CEACAM5: variants seen among roughly 807,000 people sequenced by gnomAD.
CEACAM5 encodes CEA cell adhesion molecule 5.
CEACAM5 carries 52 observed loss-of-function variants against 63.0 expected under a neutral mutation model. The ratio of observed to expected loss-of-function variants is 0.83; its 90% CI spans 0.66 to 1.04. The LOEUF is 1.04. CEACAM5 is among the 50% of genes least tolerant of loss of function. CEACAM5 has a pLI of 0.00. For synonymous variants in CEACAM5, 357 were observed against 351.3 expected (o/e 1.02, Z -0.18); for missense variants, 790 against 864.8 (o/e 0.91, Z 1.08).
At chr19:41,726,528 A>G (rs965081433) in intron 8 of CEACAM5, among the ~76,000 whole-genome samples, 14 of 152,364 alleles carry the variant, frequency 9.2e-5, no homozygotes, top group African/African-American at 3.4e-4. Flanking sequence ...ACTGAGATTC[A>G]GCCAAGATGG....
chr19:41,716,447 A>G (rs2072528228), intron 4 of CEACAM5, among the ~76,000 whole-genome samples: 1 of 152,254 alleles, frequency 6.6e-6, no homozygotes, highest in Non-Finnish European at 1.5e-5. Context: ...TGTGTGGAGA[A>G]GGAGCCCGGG....
At chr19:41,712,270 T>G (rs955480512) in intron 2 of CEACAM5, among the ~76,000 whole-genome samples, 4 of 152,224 alleles carry the variant, frequency 2.6e-5, no homozygotes, top group African/African-American at 9.6e-5. Flanking sequence ...CTGATAGGTT[T>G]GCTGCCCATT....
In CEACAM5 at chr19:41,717,462, A is replaced by G; in HGVS notation, c.966A>G (p.Pro322=). The part of the protein sequence containing the change: ...TVTTITVYAE[P]PKPFITSNNS... Reference sequence around the variant, plus strand: ...TCTCTGTTATCTGCACAGCAGAGCCACCCAAACCCTTCATCACCAGCAACA... The same window carrying G: ...TCTCTGTTATCTGCACAGCAGAGCCGCCCAAACCCTTCATCACCAGCAACA... Residue 322 remains proline, a synonymous_variant, in exon 5 of 10, where the codon CCA becomes CCG. Coordinates refer to ENST00000221992, the MANE Select transcript of CEACAM5 (RefSeq NM_004363.6). The G allele has an allele frequency of 6.2e-7, 1 of 1,613,474 alleles. No individual in the cohort carries two copies. Among genetic ancestry groups the G allele is most frequent in the South Asian group, 1.1e-5 (1 of 91,000 alleles).
chr19:41,709,803 T>C lies in CEACAM5; in HGVS notation c.188T>C (p.Phe63Ser), dbSNP rs2072404891. The C allele has an allele frequency of 1.2e-6, 2 of 1,614,144 alleles. No homozygotes were observed. The highest frequency in any genetic ancestry group is 2.2e-5 in the South Asian group (2 of 91,084). The change falls in exon 2 of 10, where the codon TTT (phenylalanine) becomes TCT (serine). Residue 63 changes from phenylalanine (F) to serine (S), a missense_variant. By Grantham distance (155) the Phe-to-Ser change is radical (BLOSUM62 -2). Transcript: ENST00000221992. ...GTCCACAATCTGCCCCAGCATCTTT[T>C]TGGCTACAGCTGGTACAAAGGTGAA... Reference protein sequence around the residue: ...LLVHNLPQHLFGYSWYKGERV... With the variant: ...LLVHNLPQHLSGYSWYKGERV...
At chr19:41,724,174 T>G (rs2072666940) in intron 8 of CEACAM5, among the ~76,000 whole-genome samples, 1 of 152,212 alleles carries the variant, frequency 6.6e-6, no homozygotes, top group Non-Finnish European at 1.5e-5. Flanking sequence ...AGATTCAACT[T>G]GTTCTTGTGC....
In CEACAM5 at chr19:41,715,219, C is replaced by G. The variant is rs150900406; in HGVS notation, c.673C>G (p.Arg225Gly). 6.2e-7 allele frequency: 1 copy of G among 1,614,212 alleles called. No individual in the cohort carries two copies. Among genetic ancestry groups the G allele is most frequent in the Non-Finnish European group, 8.5e-7 (1 of 1,180,030 alleles). Residue 225 changes from arginine (R) to glycine (G), a missense_variant, in exon 3 of 10, where the codon CGC (arginine) becomes GGC (glycine). Transcript: ENST00000221992. ...AACCCAGAACCCAGTGAGTGCCAGG[C>G]GCAGTGATTCAGTCATCCTGAATGT... Reference protein sequence around the residue: ...CETQNPVSARRSDSVILNVLY... With the variant: ...CETQNPVSARGSDSVILNVLY...
intron 8 of CEACAM5, 146 bp downstream of exon 8, chr19:41,721,322 C>G (rs2072618256): frequency 1.1e-6 from 1 of 874,144 alleles, no homozygotes; most frequent in South Asian, 1.7e-5. Context: ...CCCCCTCACT[C>G]CATCTCGGCC....
chr19:41,713,396 G>C (rs2072468386), intron 2 of CEACAM5, among the ~76,000 whole-genome samples: 2 of 152,174 alleles, frequency 1.3e-5, no homozygotes, highest in African/African-American at 4.8e-5. Flanking sequence ...TGCTAAACTG[G>C]TAAGTATATT....
chr19:41,730,368 G>A lies in CEACAM5; in HGVS notation c.*1221G>A, dbSNP rs1469681188. ...ACCCGGGAGGCAGGGCTTGCAGTGA[G>A]CCAAGATCATGCCGCTGCACTCCAG... On this transcript the variant is annotated 3_prime_UTR_variant, in exon 10 of 10. Coordinates refer to ENST00000221992, the MANE Select transcript of CEACAM5 (RefSeq NM_004363.6). Among the ~76,000 whole-genome samples the A allele has an allele frequency of 2.0e-5, 3 of 148,234 alleles. No individual in the cohort carries two copies. The highest frequency in any genetic ancestry group is 7.6e-5 in the African/African-American group (3 of 39,532).
chr19:41,718,056 C>A, intron 5 of CEACAM5, 72 bp from the exon 6 acceptor site: 3 of 1,566,448 alleles, frequency 1.9e-6, no homozygotes, highest in Admixed American at 1.7e-5. Context: ...GACACTGTTG[C>A]CCTTTCACAG....
intron 2 of CEACAM5, among the ~76,000 whole-genome samples, chr19:41,710,272 G>A (rs1012191085): frequency 5.9e-5 from 9 of 152,282 alleles, no homozygotes; most frequent in African/African-American, 1.7e-4. Context: ...TCTGATGTGG[G>A]GGACTTAGCA....
chr19:41,727,258 C>A lies in CEACAM5; in HGVS notation c.2051C>A (p.Ser684Ter). ...VSASGTSPGL[S>*]AGATVGIMIG... ...GCATCTGGAACTTCTCCTGGTCTCT[C>A]AGCTGGGGCCACTGTCGGCATCATG... The change falls in exon 9 of 10, where the codon TCA becomes TAA. Residue 684 changes from serine to a stop codon, truncating the protein, a stop_gained. Coordinates refer to ENST00000221992, the MANE Select transcript of CEACAM5 (RefSeq NM_004363.6). LOFTEE classifies it high-confidence loss of function. 6.2e-7 allele frequency: 1 copy of A among 1,614,020 alleles called. No homozygotes were observed. The highest frequency in any genetic ancestry group is 8.5e-7 in the Non-Finnish European group (1 of 1,179,858).
rs2072741566 is a variant in CEACAM5 at position 41,729,287 on chromosome 19, C to G, written c.*140C>G. On this transcript the variant is annotated 3_prime_UTR_variant, in exon 10 of 10. Coordinates refer to ENST00000221992, the MANE Select transcript of CEACAM5 (RefSeq NM_004363.6). ...AAAAGACTCTGACCAGAGATCGAGA[C>G]CATCCTAGCCAACATCGTGAAACCC... 6.6e-6 allele frequency: 1 copy of G among 152,060 alleles called. No individual in the cohort carries two copies. The allele number at this position is 152,060 out of a possible 1,614,324, so 9.4% of individuals were successfully genotyped here.
In CEACAM5 at chr19:41,717,463, C is replaced by G. The variant is rs781930149; in HGVS notation, c.967C>G (p.Pro323Ala). The stretch of plus-strand genomic sequence containing the variant: ...CTCTGTTATCTGCACAGCAGAGCCA[C>G]CCAAACCCTTCATCACCAGCAACAA... ...VTTITVYAEPPKPFITSNNSN... is the reference protein window; with the variant it reads ...VTTITVYAEPAKPFITSNNSN... The change falls in exon 5 of 10, where the codon CCC becomes GCC. Residue 323 changes from proline (P) to alanine (A), a missense_variant. Physicochemically the swap from Pro to Ala is conservative, Grantham distance 27 (BLOSUM62 -1). Coordinates refer to ENST00000221992, the MANE Select transcript of CEACAM5 (RefSeq NM_004363.6). The G allele has an allele frequency of 1.9e-6, 3 of 1,613,474 alleles. No homozygotes were observed. In the South Asian group the frequency reaches 3.3e-5, roughly 18 times the overall value.
intron 4 of CEACAM5, among the ~76,000 whole-genome samples, chr19:41,716,808 A>C (rs1286046747): frequency 1.3e-5 from 2 of 152,162 alleles, no homozygotes; most frequent in African/African-American, 4.8e-5. Context: ...CAGTGGTATT[A>C]AATATATTCC....
intron 5 of CEACAM5, 25 bp downstream of exon 5, chr19:41,717,758 G>T (rs2072551313): frequency 6.2e-7 from 1 of 1,608,414 alleles, no homozygotes; most frequent in Non-Finnish European, 8.5e-7. Flanking sequence ...TTCCTCTGTG[G>T]CTCAGGCTGC....
intron 4 of CEACAM5, among the ~76,000 whole-genome samples, chr19:41,717,179 G>A (rs943003961): frequency 1.3e-5 from 2 of 152,252 alleles, no homozygotes; most frequent in African/African-American, 4.8e-5. Context: ...AGTGCTGGGG[G>A]CTGTGACCCC....
In CEACAM5 at chr19:41,709,897, A is replaced by T; in HGVS notation, c.282A>T (p.Ala94=). Reference sequence around the variant, plus strand: ...CTCAACAAGCTACCCCAGGGCCCGCATACAGTGGTCGAGAGATAATATACC... The same window carrying T: ...CTCAACAAGCTACCCCAGGGCCCGCTTACAGTGGTCGAGAGATAATATACC... The part of the protein sequence containing the change: ...IGTQQATPGP[A]YSGREIIYPN... Residue 94 remains alanine (A), a synonymous_variant, in exon 2 of 10, where the codon GCA becomes GCT. Coordinates refer to ENST00000221992, the MANE Select transcript of CEACAM5 (RefSeq NM_004363.6). The T allele has an allele frequency of 6.2e-7, 1 of 1,614,116 alleles. No individual in the cohort carries two copies. The highest frequency in any genetic ancestry group is 1.1e-5 in the South Asian group (1 of 91,076).
At chr19:41,724,306 A>G (rs2072668535) in intron 8 of CEACAM5, among the ~76,000 whole-genome samples, 1 of 152,156 alleles carries the variant, frequency 6.6e-6, no homozygotes, top group Non-Finnish European at 1.5e-5. Flanking sequence ...TCTGGGCTCT[A>G]TATTCTATTG....
Sources: gnomAD v4.1 joint callset for allele counts (sites outside exome capture counted in the v4.1 genomes callset) on GRCh38, gnomAD v4.1.1 for gene constraint, MANE v1.5 for transcripts, NCBI Gene and HGNC (gene_info 2026-07-23, HGNC 2026-07-21) for gene names.